SYT9: variants seen among roughly 807,000 people sequenced by gnomAD.
SYT9 encodes synaptotagmin-9.
A neutral mutation model predicts 48.4 loss-of-function variants in SYT9; 22 were observed. The observed-to-expected ratio is 0.45, with a 90% CI of 0.32 to 0.65. The LOEUF (loss-of-function observed/expected upper bound fraction) is 0.65. Among genes scored for constraint, SYT9 ranks in the 30% least tolerant of loss-of-function variants. SYT9 has a pLI of 0.03. For synonymous variants in SYT9, 265 were observed against 245.0 expected, an observed-to-expected ratio of 1.08 and a Z score of -0.76; for missense variants, 577 against 622.0, an observed-to-expected ratio of 0.93 and a Z score of 0.77.
chr11:7,303,323 A>G lies in SYT9; in HGVS notation c.430A>G (p.Ile144Val), dbSNP rs758578945. The G allele has an allele frequency of 1.2e-6, 2 of 1,613,728 alleles. No homozygotes were observed. The highest frequency in any genetic ancestry group is 2.2e-5 in the South Asian group (2 of 91,052). ...PDIPLSTQTG[I>V]QENCAHGVRV... Reference sequence around the variant, plus strand: ...CATTCCCCTCTCCACCCAGACGGGGATCCAGGAGAACTGTGCCCATGGCGT... The same window carrying G: ...CATTCCCCTCTCCACCCAGACGGGGGTCCAGGAGAACTGTGCCCATGGCGT... Residue 144 changes from isoleucine to valine, a missense_variant, in exon 2 of 7, where the codon ATC becomes GTC. Coordinates refer to ENST00000318881, the MANE Select transcript of SYT9 (RefSeq NM_175733.4).
At chr11:7,281,738 GTGC>G (rs1168588639) in intron 1 of SYT9, among the ~76,000 whole-genome samples, 3 of 152,234 alleles carry the variant, frequency 2.0e-5, no homozygotes, top group Non-Finnish European at 4.4e-5. Context: ...AAAACAGACA[GTGC>G]TGTGCAAGGT....
chr11:7,283,503 C>T lies in SYT9; in HGVS notation c.146-19536C>T, dbSNP rs1361962447. Among the ~76,000 whole-genome samples, 3 of 151,990 alleles carry T rather than the reference C, an allele frequency of 2.0e-5. No homozygotes were observed. The East Asian group carries it at 5.8e-4, about 29-fold the overall frequency. ...TAAAAAGCCAACACAAAAATATAATCAGAGGACCCATATTCAAAGAAAAGA... is the reference window on the plus strand; with the variant it reads ...TAAAAAGCCAACACAAAAATATAATTAGAGGACCCATATTCAAAGAAAAGA... On this transcript the variant is annotated intron_variant, in intron 1 of 6. Transcript: ENST00000318881.
intron 1 of SYT9, among the ~76,000 whole-genome samples, chr11:7,273,230 T>A (rs1387537952): frequency 6.6e-6 from 1 of 152,172 alleles, no homozygotes; most frequent in Admixed American, 6.5e-5. Flanking sequence ...ATGTAGTACC[T>A]GTAGTTGTAA....
chr11:7,430,099 C>T (rs559496855), intron 6 of SYT9, among the ~76,000 whole-genome samples: 1 of 152,270 alleles, frequency 6.6e-6, no homozygotes, highest in African/African-American at 2.4e-5. Flanking sequence ...AAGATCTACA[C>T]TCTTTTAACA....
intron 1 of SYT9, among the ~76,000 whole-genome samples, chr11:7,258,063 A>G (rs772999190): frequency 7.9e-5 from 12 of 152,220 alleles, no homozygotes; most frequent in African/African-American, 1.4e-4. Context: ...TCTATTATGT[A>G]TAGAGCATAG....
chr11:7,249,329 T>C (rs1264427157), upstream of SYT9, among the ~76,000 whole-genome samples: 1 of 152,178 alleles, frequency 6.6e-6, no homozygotes, highest in African/African-American at 2.4e-5. Context: ...ATTTCACTTC[T>C]ACACATTCTG....
intron 6 of SYT9, among the ~76,000 whole-genome samples, chr11:7,445,673 T>C (rs1847914515): frequency 6.6e-6 from 1 of 152,214 alleles, no homozygotes; most frequent in Admixed American, 6.5e-5. Flanking sequence ...CTTTTTGTTT[T>C]TTTCTACACC....
intron 6 of SYT9, among the ~76,000 whole-genome samples, chr11:7,422,384 C>G (rs116591285): frequency 0.012 from 1,882 of 152,224 alleles, 32 homozygotes; most frequent in African/African-American, 0.037. Flanking sequence ...GCCATAGGAG[C>G]AAAATTGATC....
intron 3 of SYT9, among the ~76,000 whole-genome samples, chr11:7,400,775 C>T (rs1846874204): frequency 6.6e-6 from 1 of 152,092 alleles, no homozygotes; most frequent in African/African-American, 2.4e-5. Context: ...GAGAAGCCAC[C>T]TCCTAGTCCC....
At chr11:7,323,350 G>A (rs1849370803) in intron 3 of SYT9, among the ~76,000 whole-genome samples, 1 of 151,958 alleles carries the variant, frequency 6.6e-6, no homozygotes, top group African/African-American at 2.4e-5. Context: ...CTAATAATTT[G>A]ACCACAGATT....
intron 3 of SYT9, among the ~76,000 whole-genome samples, chr11:7,371,587 G>C (rs11041337): frequency 6.6e-6 from 1 of 151,774 alleles, no homozygotes; most frequent in Non-Finnish European, 1.5e-5. Context: ...TGACATTTGC[G>C]TTCACACATA....
chr11:7,417,677 C>G (rs1847277885), intron 4 of SYT9, among the ~76,000 whole-genome samples: 1 of 152,230 alleles, frequency 6.6e-6, no homozygotes, highest in South Asian at 2.1e-4. Flanking sequence ...TGAGTTCTAG[C>G]TGGAATGTCT....
At chr11:7,408,867 C>T (rs912476763) in intron 3 of SYT9, among the ~76,000 whole-genome samples, 1 of 151,770 alleles carries the variant, frequency 6.6e-6, no homozygotes, top group Non-Finnish European at 1.5e-5. Flanking sequence ...TGAATGATGC[C>T]TTTTATTTCT....
At position 7,434,799 on chromosome 11, in the gene SYT9, G is replaced by A. The variant is rs528594176; in HGVS notation, c.1467+14164G>A. On this transcript the variant is annotated intron_variant, in intron 6 of 6. Transcript: ENST00000318881. ...CCTCCGTGGTGCCTATTGTATTTAT[G>A]GGTGAGTAGTTGGAGGTGACAGAAT... is the stretch of plus-strand genomic sequence containing the variant. 7.0e-4 allele frequency among the ~76,000 whole-genome samples: 107 copies of A among 152,236 alleles called. 1 individual carries two copies. The highest frequency in any genetic ancestry group is 2.4e-3 in the African/African-American group (99 of 41,536).
intron 6 of SYT9, among the ~76,000 whole-genome samples, chr11:7,443,921 GA>G (rs1203381841): frequency 1.3e-5 from 2 of 152,234 alleles, no homozygotes; most frequent in Non-Finnish European, 2.9e-5. Flanking sequence ...GGATTCATTT[GA>G]TCAGTGGAAG....
intron 1 of SYT9, among the ~76,000 whole-genome samples, chr11:7,282,570 G>A (rs949646621): frequency 6.6e-6 from 1 of 152,162 alleles, no homozygotes; most frequent in South Asian, 2.1e-4. Context: ...CCTAATTACA[G>A]CTCCTCTAGT....
intron 3 of SYT9, among the ~76,000 whole-genome samples, chr11:7,370,467 G>A (rs1302793866): frequency 6.6e-6 from 1 of 152,244 alleles, no homozygotes; most frequent in East Asian, 1.9e-4. Flanking sequence ...AAATGGGCAT[G>A]AAGTTCCTTT....
chr11:7,303,302 C>G lies in SYT9; in HGVS notation c.409C>G (p.Pro137Ala). 6.2e-7 allele frequency: 1 copy of G among 1,614,066 alleles called. No homozygotes were observed. Among genetic ancestry groups the G allele is most frequent in the Non-Finnish European group, 8.5e-7 (1 of 1,180,038 alleles). ...MKISHTSPDI[P>A]LSTQTGIQEN... ...GATCAGCCACACCTCCCCTGACATT[C>G]CCCTCTCCACCCAGACGGGGATCCA... is the stretch of plus-strand genomic sequence containing the variant. Residue 137 changes from proline (P) to alanine (A), a missense_variant, in exon 2 of 7, where the codon CCC (proline) becomes GCC (alanine). By Grantham distance (27) the Pro-to-Ala change is conservative. Coordinates refer to ENST00000318881, the MANE Select transcript of SYT9 (RefSeq NM_175733.4).
At chr11:7,432,585 ATAT>A (rs1847622708) in intron 6 of SYT9, among the ~76,000 whole-genome samples, 1 of 2,656 alleles carries the variant, frequency 3.8e-4, no homozygotes, top group Non-Finnish European at 7.1e-4. Flanking sequence ...AAAAAAAAAT[ATAT>A]ATACATATAT....
Sources: allele counts gnomAD v4.1 joint callset (sites outside exome capture counted in the v4.1 genomes callset), GRCh38; gene constraint gnomAD v4.1.1; transcripts MANE v1.5; gene names NCBI Gene and HGNC (gene_info 2026-07-23, HGNC 2026-07-21).